Variants in GPLD1 observed in about 807,000 individuals in gnomAD.
GPLD1 encodes the protein glycosylphosphatidylinositol specific phospholipase D1.
A neutral mutation model predicts 112.6 loss-of-function variants in GPLD1; 84 were observed. That is an observed-to-expected ratio of 0.75 (90% CI 0.63 to 0.89). The LOEUF (loss-of-function observed/expected upper bound fraction) is 0.89, where lower values mean the gene tolerates loss of function less well. Ranked by LOEUF, GPLD1 falls within the 40% of genes least tolerant of loss-of-function variation. The pLI, the probability that GPLD1 is intolerant of heterozygous loss-of-function variation, is 0.00. For missense variants in GPLD1, 1,044 were observed against 1,051.5 expected (o/e 0.99, Z 0.10); for synonymous variants, 386 against 403.8 (o/e 0.96, Z 0.53).
chr6:24,441,735 C>T (rs9467161), intron 20 of GPLD1, among the ~76,000 whole-genome samples: 33,997 of 152,130 alleles, frequency 0.22, 4,005 homozygotes, highest in Non-Finnish European at 0.25. Flanking sequence ...CACTGCATTT[C>T]GAAAGGACCT....
At chr6:24,449,333 A>G (rs1372950953) in intron 15 of GPLD1, among the ~76,000 whole-genome samples, 1 of 152,124 alleles carries the variant, frequency 6.6e-6, no homozygotes, top group Non-Finnish European at 1.5e-5. Context: ...CTATGGTAGG[A>G]AGCATCTGTG....
chr6:24,452,879 C>G (rs371352301), intron 14 of GPLD1, among the ~76,000 whole-genome samples: 3 of 152,072 alleles, frequency 2.0e-5, no homozygotes. Flanking sequence ...ACAAGAACCA[C>G]GACGATCTGA....
chr6:24,483,740 T>A (rs1764278562), intron 2 of GPLD1, among the ~76,000 whole-genome samples: 1 of 151,862 alleles, frequency 6.6e-6, no homozygotes, highest in African/African-American at 2.4e-5. Context: ...GGATTAGAAT[T>A]GGTGGTATTT....
chr6:24,453,905 T>A (rs747462682), intron 14 of GPLD1, 110 bp downstream of exon 14: 31 of 716,156 alleles, frequency 4.3e-5, no homozygotes, highest in Non-Finnish European at 6.8e-5. Flanking sequence ...CCACCAGCTG[T>A]TTGTTACTGT....
At chr6:24,439,136 C>G (rs12661981) in intron 20 of GPLD1, among the ~76,000 whole-genome samples, 4,444 of 152,230 alleles carry the variant, frequency 0.029, 138 homozygotes, top group East Asian at 0.14. Flanking sequence ...CCTGGAGCGC[C>G]CAGGAATCCA....
At chr6:24,425,121 G>C (rs1052179975), downstream of GPLD1, 1 of 152,174 alleles carries the variant, frequency 6.6e-6, no homozygotes, top group African/African-American at 2.4e-5. Context: ...CTAGCATTAC[G>C]AATCTCTTAG....
chr6:24,433,117 C>G, intron 24 of GPLD1, 70 bp downstream of exon 24: 1 of 996,840 alleles, frequency 1.0e-6, no homozygotes, highest in South Asian at 1.3e-5. Context: ...ATAAACCTAA[C>G]AAGTGAGACC....
At position 24,476,090 on chromosome 6, in the gene GPLD1, A is replaced by C; in HGVS notation, c.330+91T>G. On this transcript the variant is annotated intron_variant, in intron 4 of 24. Coordinates refer to ENST00000230036, the MANE Select transcript of GPLD1 (RefSeq NM_001503.4). ...AGGTGGAATGGTGGGCAGCCCTTAC[A>C]GAGCGGTACAAATGGGGTCAATGCG... is the stretch of plus-strand genomic sequence containing the variant. 13 of 691,000 alleles carry C rather than the reference A, an allele frequency of 1.9e-5. 1 individual carries two copies. The South Asian group carries it at 2.2e-4, about 12-fold the overall frequency. The allele number at this position is 691,000 out of a possible 1,614,324, so 42.8% of individuals were successfully genotyped here.
chr6:24,489,638 A>G (rs1235889069), upstream of GPLD1: 13 of 1,472,032 alleles, frequency 8.8e-6, no homozygotes, highest in East Asian at 3.2e-4. Flanking sequence ...GAGGAAACCA[A>G]GCCTCATTTC....
At chr6:24,430,649 A>T (rs1762373974) in intron 24 of GPLD1, among the ~76,000 whole-genome samples, 1 of 152,198 alleles carries the variant, frequency 6.6e-6, no homozygotes, top group African/African-American at 2.4e-5. Context: ...GTTACGACTA[A>T]TTTCATTACT....
chr6:24,479,797 C>T (rs1191956944), intron 3 of GPLD1, 84 bp downstream of exon 3: 2 of 751,560 alleles, frequency 2.7e-6, no homozygotes, highest in Non-Finnish European at 2.4e-6. Flanking sequence ...ATTGTACACA[C>T]ATATATATAT....
intron 22 of GPLD1, among the ~76,000 whole-genome samples, chr6:24,435,291 G>C (rs994651350): frequency 6.6e-6 from 1 of 152,058 alleles, no homozygotes; most frequent in Non-Finnish European, 1.5e-5. Context: ...GATTACAGGC[G>C]TGAGCCACTG....
At chr6:24,494,838 A>G (rs368618455) in intron 1 of GPLD1, 1 of 807,510 alleles carries the variant, frequency 1.2e-6, no homozygotes. Flanking sequence ...AGACGCGGAG[A>G]GAGGGCGCTG....
At position 24,428,990 on chromosome 6, in the gene GPLD1, G is replaced by C; in HGVS notation, c.*42C>G. On this transcript the variant is annotated 3_prime_UTR_variant, in exon 25 of 25. Coordinates refer to ENST00000230036, the MANE Select transcript of GPLD1 (RefSeq NM_001503.4). ...AAATGCTCACCATGGATGTGATTCA[G>C]CATGAGAGAGGTGGGCAGAGTGGGG... 1 of 1,341,876 alleles carries C rather than the reference G, an allele frequency of 7.5e-7. No individual in the cohort carries two copies. Among genetic ancestry groups the C allele is most frequent in the Middle Eastern group, 1.8e-4 (1 of 5,500 alleles). 83.1% of individuals were successfully genotyped at this position (1,341,876 alleles called of 1,614,324 possible).
rs1763188740 is a variant in GPLD1, at chr6:24,454,150, C to T, written c.1200G>A (p.Val400=). The T allele has an allele frequency of 6.2e-7, 1 of 1,613,932 alleles. No individual in the cohort carries two copies. The highest frequency in any genetic ancestry group is 8.5e-7 in the Non-Finnish European group (1 of 1,179,928). ...CGGGGCGGCTGTAGCCTGGTGCGCC[C>T]ACCACGAGGTCACCGTGCCCATCCT... ...LNQDGHGDLV[V]GAPGYSRPGH... is the part of the protein sequence containing the mutation. The change falls in exon 14 of 25, where the codon GTG becomes GTA. Residue 400 remains valine, a synonymous_variant. Transcript: ENST00000230036.
chr6:24,447,365 G>A (rs796488247), intron 17 of GPLD1, among the ~76,000 whole-genome samples: 6 of 152,046 alleles, frequency 3.9e-5, no homozygotes, highest in African/African-American at 1.4e-4. Flanking sequence ...AATTAGCCGG[G>A]CATGGTGGCA....
In GPLD1 at chr6:24,428,979, G is replaced by T; in HGVS notation, c.*53C>A. The T allele has an allele frequency of 8.0e-7, 1 of 1,246,448 alleles. No individual in the cohort carries two copies. Among genetic ancestry groups the T allele is most frequent in the Non-Finnish European group, 1.2e-6 (1 of 856,608 alleles). 77.2% of individuals were successfully genotyped at this position (1,246,448 alleles called of 1,614,324 possible). The stretch of plus-strand genomic sequence containing the variant: ...TTTGTCCATCAAAATGCTCACCATG[G>T]ATGTGATTCAGCATGAGAGAGGTGG... On this transcript the variant is annotated 3_prime_UTR_variant, in exon 25 of 25. Coordinates refer to ENST00000230036, the MANE Select transcript of GPLD1 (RefSeq NM_001503.4).
intron 20 of GPLD1, among the ~76,000 whole-genome samples, chr6:24,440,604 T>C (rs9348637): frequency 0.23 from 17,190 of 73,652 alleles, 1,633 homozygotes; most frequent in East Asian, 0.58. Flanking sequence ...AAAAGAAGCA[T>C]AATCCAGGTG....
intron 2 of GPLD1, among the ~76,000 whole-genome samples, chr6:24,485,285 C>T (rs188240720): frequency 2.6e-5 from 4 of 152,234 alleles, no homozygotes; most frequent in East Asian, 1.9e-4. Context: ...TGCCTATAAT[C>T]CCAGTGCTTT....
Sources: gnomAD v4.1 joint callset for allele counts (sites outside exome capture counted in the v4.1 genomes callset) on GRCh38, gnomAD v4.1.1 for gene constraint, MANE v1.5 for transcripts, NCBI Gene and HGNC (gene_info 2026-07-23, HGNC 2026-07-21) for gene names.